The following SFMBT1 variants were observed in gnomAD, a reference collection of about 807,000 sequenced individuals.
SFMBT1 encodes the protein scm-like with four MBT domains protein 1.
In SFMBT1, 32 loss-of-function variants were observed where a neutral mutation model predicts 108.7. The observed-to-expected ratio is 0.29, with a 90% CI of 0.22 to 0.40. SFMBT1 has a LOEUF of 0.40. SFMBT1 is among the 10% of genes least tolerant of loss of function. The pLI, the probability that SFMBT1 is intolerant of heterozygous loss-of-function variation, is 1.00. For missense variants in SFMBT1, 816 were observed against 1,059.6 expected (o/e 0.77, Z 3.19); for synonymous variants, 348 against 369.5 (o/e 0.94, Z 0.67).
chr3:53,041,503 G>C lies in SFMBT1; in HGVS notation c.-131+4313C>G, dbSNP rs566770389. Among the ~76,000 whole-genome samples, 3 of 152,126 alleles carry C rather than the reference G, an allele frequency of 2.0e-5. No homozygotes were observed. The South Asian group carries it at 6.2e-4, about 32-fold the overall frequency. The stretch of plus-strand genomic sequence containing the variant: ...ACCTGAGATCAGGAGTTCAAGACTA[G>C]CCTGACCAACATGGTGAAACCCCAT... On this transcript the variant is annotated intron_variant, in intron 1 of 20. Coordinates refer to ENST00000394752, the MANE Select transcript of SFMBT1 (RefSeq NM_016329.4).
At chr3:53,017,849 C>T (rs1467586448) in intron 1 of SFMBT1, among the ~76,000 whole-genome samples, 2 of 152,188 alleles carry the variant, frequency 1.3e-5, no homozygotes, top group Non-Finnish European at 1.5e-5. Flanking sequence ...AGATGCTTTT[C>T]AGTGTGTGGC....
At chr3:53,037,740 G>A (rs1699911979) in intron 1 of SFMBT1, among the ~76,000 whole-genome samples, 1 of 152,176 alleles carries the variant, frequency 6.6e-6, no homozygotes, top group South Asian at 2.1e-4. Flanking sequence ...TTGGGAAGCT[G>A]AGGCTAGAGA....
intron 1 of SFMBT1, among the ~76,000 whole-genome samples, chr3:53,026,465 T>C (rs1006306573): frequency 6.6e-6 from 1 of 152,240 alleles, no homozygotes; most frequent in African/African-American, 2.4e-5. Context: ...TAAGTCTTCC[T>C]TAGCAATTAA....
intron 2 of SFMBT1, among the ~76,000 whole-genome samples, chr3:52,958,333 G>A (rs894744196): frequency 6.6e-6 from 1 of 152,226 alleles, no homozygotes; most frequent in Admixed American, 6.5e-5. Context: ...GCTCATGCCT[G>A]TAATCCCAGC....
chr3:52,972,612 A>G (rs1704381292), intron 1 of SFMBT1, among the ~76,000 whole-genome samples: 1 of 152,050 alleles, frequency 6.6e-6, no homozygotes, highest in African/African-American at 2.4e-5. Context: ...ACACACTAAG[A>G]GTTACTCATT....
chr3:53,039,783 C>T (rs1309587623), intron 1 of SFMBT1, among the ~76,000 whole-genome samples: 1 of 152,126 alleles, frequency 6.6e-6, no homozygotes, highest in South Asian at 2.1e-4. Flanking sequence ...TACAGGTGTC[C>T]GCCACCACAC....
Position 52,969,139 on chromosome 3 carries a change from T to A in SFMBT1, c.-11A>T, listed in dbSNP as rs370711790. The A allele has an allele frequency of 6.2e-7, 1 of 1,614,104 alleles. No homozygotes were observed. The highest frequency in any genetic ancestry group is 8.5e-7 in the Non-Finnish European group (1 of 1,179,980). ...CTGCTCCCCGTTCATTTCCACAGCA[T>A]ATAGGCAGGCTATATCCTCCCAAAA... is the stretch of plus-strand genomic sequence containing the variant. On this transcript the variant is annotated 5_prime_UTR_variant, in exon 2 of 21. An upstream start codon of the reference 5' UTR is lost. Transcript: ENST00000394752.
At chr3:52,986,619 A>G (rs1362670742) in intron 1 of SFMBT1, among the ~76,000 whole-genome samples, 2 of 151,750 alleles carry the variant, frequency 1.3e-5, no homozygotes, top group Non-Finnish European at 2.9e-5. Flanking sequence ...TACAAAAAAA[A>G]AACTTAGTCG....
chr3:52,995,940 A>G (rs1279800491), intron 1 of SFMBT1, among the ~76,000 whole-genome samples: 1 of 148,750 alleles, frequency 6.7e-6, no homozygotes, highest in Admixed American at 6.8e-5. Flanking sequence ...GGACAGTGGT[A>G]TGTGCCTGTA....
chr3:52,977,404 G>A (rs531258868), intron 1 of SFMBT1, among the ~76,000 whole-genome samples: 12 of 152,016 alleles, frequency 7.9e-5, no homozygotes, highest in Admixed American at 3.3e-4. Flanking sequence ...CCAGCTACTC[G>A]GGAGGCTGAG....
chr3:52,911,256 C>G (rs1324140422), intron 16 of SFMBT1, 78 bp from the exon 17 acceptor site: 1 of 1,412,342 alleles, frequency 7.1e-7, no homozygotes, highest in African/African-American at 1.4e-5. Flanking sequence ...ATTAATACAC[C>G]TAAAAAATAT....
At chr3:52,995,250 G>A (rs1698282516) in intron 1 of SFMBT1, among the ~76,000 whole-genome samples, 1 of 149,708 alleles carries the variant, frequency 6.7e-6, no homozygotes, top group Non-Finnish European at 1.5e-5. Flanking sequence ...ATATCCACAT[G>A]GACAAAAATG....
At chr3:52,924,937 A>G (rs527597361) in intron 10 of SFMBT1, among the ~76,000 whole-genome samples, 1 of 152,248 alleles carries the variant, frequency 6.6e-6, no homozygotes, top group South Asian at 2.1e-4. Flanking sequence ...AAAATACTGC[A>G]GTGCCAGGTG....
At chr3:52,916,287 C>CA in intron 13 of SFMBT1, 73 bp from the exon 14 acceptor site, 1 of 1,359,068 alleles carries the variant, frequency 7.4e-7, no homozygotes, top group South Asian at 1.2e-5. Context: ...TAGTTTCCTT[C>CA]AAATCTAAGA....
intron 2 of SFMBT1, among the ~76,000 whole-genome samples, chr3:52,961,494 G>C (rs1203259976): frequency 6.6e-6 from 1 of 151,232 alleles, no homozygotes; most frequent in African/African-American, 2.4e-5. Context: ...CAAGACTGTA[G>C]TGTACATGAT....
At chr3:53,035,855 A>G (rs1191855498) in intron 1 of SFMBT1, among the ~76,000 whole-genome samples, 1 of 152,192 alleles carries the variant, frequency 6.6e-6, no homozygotes, top group Non-Finnish European at 1.5e-5. Flanking sequence ...AGCCTCCCAA[A>G]ATACTGGGAT....
intron 2 of SFMBT1, among the ~76,000 whole-genome samples, chr3:52,966,624 C>CAAAAAAA (rs35044878): frequency 5.4e-4 from 26 of 48,286 alleles, no homozygotes; most frequent in East Asian, 1.5e-3. Flanking sequence ...GACTCAGTCT[C>CAAAAAAA]AAAAAAAAAA....
intron 1 of SFMBT1, among the ~76,000 whole-genome samples, chr3:53,022,549 T>C (rs566393191): frequency 6.7e-6 from 1 of 150,348 alleles, no homozygotes; most frequent in South Asian, 2.1e-4. Context: ...AAATACACTA[T>C]AGACATACAG....
chr3:52,969,279 C>T, intron 1 of SFMBT1, 21 bp from the exon 2 acceptor site: 1 of 1,485,140 alleles, frequency 6.7e-7, no homozygotes, highest in Middle Eastern at 1.8e-4. Context: ...AAAAAGAACA[C>T]ATTAAACAGC....
Sources: gnomAD v4.1 joint callset for allele counts (sites outside exome capture counted in the v4.1 genomes callset) on GRCh38, gnomAD v4.1.1 for gene constraint, MANE v1.5 for transcripts, NCBI Gene and HGNC (gene_info 2026-07-23, HGNC 2026-07-21) for gene names.